RERE: variants seen among roughly 807,000 people sequenced by gnomAD.
RERE encodes the protein arginine-glutamic acid dipeptide repeats, also known as arginine-glutamic acid dipeptide repeats protein.
A neutral mutation model predicts 146.1 loss-of-function variants in RERE; 40 were observed. The observed-to-expected ratio is 0.27, with a 90% CI of 0.21 to 0.36. RERE has a LOEUF of 0.36. Ranked by LOEUF, RERE falls within the 10% of genes least tolerant of loss-of-function variation. The pLI is 1.00. For missense variants in RERE, 1,933 were observed against 2,138.7 expected, an observed-to-expected ratio of 0.90 and a Z score of 1.90; for synonymous variants, 1,003 against 866.0, an observed-to-expected ratio of 1.16 and a Z score of -2.78.
chr1:8,377,747 C>T (rs572897267), intron 12 of RERE, among the ~76,000 whole-genome samples: 43 of 152,094 alleles, frequency 2.8e-4, no homozygotes, highest in African/African-American at 8.9e-4. Flanking sequence ...AAATATACAT[C>T]GGCAATGTAA....
intron 12 of RERE, among the ~76,000 whole-genome samples, chr1:8,381,859 C>A (rs1409446803): frequency 2.6e-5 from 4 of 152,198 alleles, no homozygotes; most frequent in Non-Finnish European, 5.9e-5. Context: ...CCACACAGGC[C>A]TTGGCTTGAC....
chr1:8,766,333 A>G (rs1482429957), intron 1 of RERE, among the ~76,000 whole-genome samples: 1 of 152,020 alleles, frequency 6.6e-6, no homozygotes, highest in East Asian at 1.9e-4. Flanking sequence ...TGAGGTCGGG[A>G]GTTCAAGACC....
At chr1:8,368,573 A>C (rs1033374793) in intron 12 of RERE, among the ~76,000 whole-genome samples, 1 of 152,028 alleles carries the variant, frequency 6.6e-6, no homozygotes, top group Admixed American at 6.5e-5. Flanking sequence ...AAATCGAGTG[A>C]GAAGGTGGTA....
chr1:8,574,742 T>C (rs959054799), intron 4 of RERE, among the ~76,000 whole-genome samples: 1 of 152,178 alleles, frequency 6.6e-6, no homozygotes, highest in Non-Finnish European at 1.5e-5. Flanking sequence ...AACTAATCTG[T>C]GATGGCAGAG....
intron 7 of RERE, among the ~76,000 whole-genome samples, chr1:8,511,331 A>C (rs1203348648): frequency 6.6e-6 from 1 of 152,240 alleles, no homozygotes; most frequent in African/African-American, 2.4e-5. Context: ...ATGAAAACCA[A>C]GATAAAATAA....
chr1:8,559,290 A>C (rs913753918), intron 4 of RERE, among the ~76,000 whole-genome samples: 1 of 142,114 alleles, frequency 7.0e-6, no homozygotes, highest in African/African-American at 2.5e-5. Flanking sequence ...CAAAAAAAAA[A>C]AAAAAAAAAA....
chr1:8,728,033 C>T (rs188575183), intron 1 of RERE, among the ~76,000 whole-genome samples: 4 of 152,362 alleles, frequency 2.6e-5, no homozygotes, highest in East Asian at 1.9e-4. Context: ...ACGCAGCCAA[C>T]GCTCCCCAGA....
chr1:8,595,476 T>A (rs538877898), intron 4 of RERE, among the ~76,000 whole-genome samples: 1 of 151,820 alleles, frequency 6.6e-6, no homozygotes, highest in Admixed American at 6.6e-5. Flanking sequence ...GTTTTATTTT[T>A]ATGTATTATT....
At chr1:8,715,703 G>A (rs1639751255) in intron 1 of RERE, among the ~76,000 whole-genome samples, 1 of 151,884 alleles carries the variant, frequency 6.6e-6, no homozygotes, top group African/African-American at 2.4e-5. Context: ...CAAGAGTTCA[G>A]GACCAGTCTG....
intron 12 of RERE, among the ~76,000 whole-genome samples, chr1:8,401,927 A>G (rs1643274935): frequency 6.6e-6 from 1 of 151,982 alleles, no homozygotes; most frequent in Admixed American, 6.6e-5. Flanking sequence ...GTGCAGTGGC[A>G]TGATCTCGGC....
rs565800186 is a variant in RERE at position 8,445,638 on chromosome 1, A to G, written c.1203+20287T>C. On this transcript the variant is annotated intron_variant, in intron 11 of 22. Coordinates refer to ENST00000400908, the MANE Select transcript of RERE (RefSeq NM_001042681.2). ...CTGAACCAACTGCAGAAGAAGACAG[A>G]TAGACAATCGTCTCCATCAGCAACC... Among the ~76,000 whole-genome samples the G allele has an allele frequency of 3.1e-4, 47 of 152,246 alleles. 1 individual carries two copies. The highest frequency in any genetic ancestry group is 1.7e-3 in the Admixed American group (26 of 15,298).
chr1:8,394,654 A>G (rs1295690704), intron 12 of RERE, among the ~76,000 whole-genome samples: 1 of 152,224 alleles, frequency 6.6e-6, no homozygotes, highest in Non-Finnish European at 1.5e-5. Flanking sequence ...AGGGGGAATG[A>G]GCAACAAAAA....
intron 1 of RERE, among the ~76,000 whole-genome samples, chr1:8,681,384 G>A (rs896559576): frequency 4.6e-5 from 7 of 152,150 alleles, no homozygotes; most frequent in Admixed American, 6.6e-5. Context: ...AGAAGCCACA[G>A]CATACCTATT....
At chr1:8,714,487 G>A (rs1639725214) in intron 1 of RERE, among the ~76,000 whole-genome samples, 1 of 152,170 alleles carries the variant, frequency 6.6e-6, no homozygotes, top group Middle Eastern at 3.2e-3. Flanking sequence ...AATCAAGGAT[G>A]AGCATAAAAT....
At chr1:8,549,583 G>A (rs1442194386) in intron 6 of RERE, among the ~76,000 whole-genome samples, 1 of 152,184 alleles carries the variant, frequency 6.6e-6, no homozygotes, top group Non-Finnish European at 1.5e-5. Flanking sequence ...GAAATCCACT[G>A]ATAGGTGCTT....
rs1641490334 is a variant in RERE, at chr1:8,359,974, G to A, written c.3408C>T (p.His1136=). 1 of 1,612,646 alleles carries A rather than the reference G, an allele frequency of 6.2e-7. No homozygotes were observed. The highest frequency in any genetic ancestry group is 1.1e-5 in the South Asian group (1 of 91,086). The change falls in exon 19 of 23, where the codon CAC becomes CAT. Residue 1136 remains histidine, a synonymous_variant. Transcript: ENST00000400908. The part of the protein sequence containing the change: ...HASQSARFYK[H]LDRGYNSCAR... ...CACACGAGTTGTAGCCCCGGTCCAGGTGTTTGTAGAACCTGAGAAAAGCCA... is the reference window on the plus strand; with the variant it reads ...CACACGAGTTGTAGCCCCGGTCCAGATGTTTGTAGAACCTGAGAAAAGCCA...
intron 4 of RERE, among the ~76,000 whole-genome samples, chr1:8,608,580 G>C (rs951111556): frequency 6.6e-6 from 1 of 152,086 alleles, no homozygotes; most frequent in African/African-American, 2.4e-5. Context: ...GTGCCTGTAA[G>C]TAATAAAGAG....
chr1:8,648,852 T>C (rs867696035), intron 2 of RERE, among the ~76,000 whole-genome samples: 3 of 151,518 alleles, frequency 2.0e-5, no homozygotes, highest in Non-Finnish European at 4.4e-5. Context: ...ATAGGGTAAA[T>C]AGGACAATCA....
At chr1:8,764,364 A>T (rs959046953) in intron 1 of RERE, among the ~76,000 whole-genome samples, 7 of 152,148 alleles carry the variant, frequency 4.6e-5, no homozygotes, top group African/African-American at 1.7e-4. Flanking sequence ...CACAAAAATC[A>T]TGAAATACTG....
Sources: allele counts gnomAD v4.1 joint callset (sites outside exome capture counted in the v4.1 genomes callset), GRCh38; gene constraint gnomAD v4.1.1; transcripts MANE v1.5; gene names NCBI Gene and HGNC (gene_info 2026-07-23, HGNC 2026-07-21).